Variants in RARS2 observed in about 807,000 individuals in gnomAD.
The protein encoded by RARS2 is probable arginine--tRNA ligase, mitochondrial.
A neutral mutation model predicts 88.5 loss-of-function variants in RARS2; 67 were observed. That is an observed-to-expected ratio of 0.76 (90% CI 0.62 to 0.93). The LOEUF is 0.93. Among genes scored for constraint, RARS2 ranks in the 40% least tolerant of loss-of-function variants. RARS2 has a pLI of 0.00. For synonymous variants in RARS2, 239 were observed against 230.3 expected (o/e 1.04, Z -0.34); for missense variants, 664 against 684.2 (o/e 0.97, Z 0.33).
intron 4 of RARS2, among the ~76,000 whole-genome samples, chr6:87,556,662 T>C (rs531619191): frequency 6.6e-6 from 1 of 151,624 alleles, no homozygotes; most frequent in South Asian, 2.1e-4. Flanking sequence ...CATGGTGGCA[T>C]GCGCCTGTAG....
chr6:87,575,045 T>C (rs1246141932), intron 1 of RARS2, among the ~76,000 whole-genome samples: 1 of 148,580 alleles, frequency 6.7e-6, no homozygotes, highest in African/African-American at 2.5e-5. Context: ...GAAGGTAGAC[T>C]GCTTCCCTAG....
At chr6:87,576,300 G>A (rs62417695) in intron 1 of RARS2, among the ~76,000 whole-genome samples, 1 of 76,824 alleles carries the variant, frequency 1.3e-5, no homozygotes, top group Non-Finnish European at 2.4e-5. Context: ...TTTTTGAGAC[G>A]GAGTCTCGCT....
At chr6:87,518,132 CAGA>C (rs1471945780) in intron 17 of RARS2, 34 bp downstream of exon 17, 1 of 1,613,996 alleles carries the variant, frequency 6.2e-7, no homozygotes, top group Non-Finnish European at 8.5e-7. Context: ...TTTTGATAAG[CAGA>C]AGCACACTTG....
chr6:87,516,742 C>T, intron 18 of RARS2, 64 bp downstream of exon 18: 1 of 1,595,500 alleles, frequency 6.3e-7, no homozygotes, highest in Non-Finnish European at 8.5e-7. Context: ...TTACAGGAAA[C>T]CTTTAGATGA....
chr6:87,585,432 T>C (rs1225473311), intron 1 of RARS2, among the ~76,000 whole-genome samples: 1 of 152,212 alleles, frequency 6.6e-6, no homozygotes, highest in Non-Finnish European at 1.5e-5. Context: ...AGGTTGCCAG[T>C]TAGAAATAAA....
At chr6:87,544,351 T>C (rs1370967878) in intron 7 of RARS2, among the ~76,000 whole-genome samples, 1 of 152,234 alleles carries the variant, frequency 6.6e-6, no homozygotes, top group Non-Finnish European at 1.5e-5. Flanking sequence ...CAAGGTCTAC[T>C]CTTCTTAGAG....
chr6:87,555,018 G>A (rs1250759707), intron 5 of RARS2, among the ~76,000 whole-genome samples: 2 of 151,840 alleles, frequency 1.3e-5, no homozygotes, highest in East Asian at 3.9e-4. Flanking sequence ...GCAGGAGAAT[G>A]GCGTGAACCC....
At position 87,519,697 on chromosome 6, in the gene RARS2, C is replaced by G; in HGVS notation, c.1123G>C (p.Val375Leu). 1 of 1,613,994 alleles carries G rather than the reference C, an allele frequency of 6.2e-7. No homozygotes were observed. Among genetic ancestry groups the G allele is most frequent in the Non-Finnish European group, 8.5e-7 (1 of 1,179,872 alleles). The change falls in exon 14 of 20, where the codon GTG (valine) becomes CTG (leucine). Residue 375 changes from valine to leucine, a missense_variant. By Grantham distance (32) the Val-to-Leu change is conservative. Transcript: ENST00000369536. Reference protein sequence around the residue: ...GYDWAERCQHVPFGVVQGMKT... With the variant: ...GYDWAERCQHLPFGVVQGMKT... ...ATTCCCTGTACTACTCCAAAGGGCA[C>G]GTGCTGGCACCTAAAAGAGTGGGCA... is the stretch of plus-strand genomic sequence containing the variant.
intron 8 of RARS2, 134 bp from the exon 9 acceptor site, chr6:87,531,076 A>T: frequency 7.1e-7 from 1 of 1,415,462 alleles, no homozygotes; most frequent in Non-Finnish European, 9.5e-7. Flanking sequence ...TACAGAGTGT[A>T]ACTTTTTCTT....
intron 8 of RARS2, among the ~76,000 whole-genome samples, chr6:87,535,522 C>T (rs1778840263): frequency 6.6e-6 from 1 of 152,094 alleles, no homozygotes; most frequent in South Asian, 2.1e-4. Context: ...TACACTAACC[C>T]CTCACTATTT....
At chr6:87,523,206 C>A (rs2128028008) in intron 11 of RARS2, among the ~76,000 whole-genome samples, 1 of 152,166 alleles carries the variant, frequency 6.6e-6, no homozygotes, top group African/African-American at 2.4e-5. Flanking sequence ...AGAAAAATTT[C>A]TAGGTTGAGT....
chr6:87,559,382 G>C (rs957840235), intron 4 of RARS2, among the ~76,000 whole-genome samples: 2 of 147,134 alleles, frequency 1.4e-5, no homozygotes, highest in Admixed American at 6.9e-5. Flanking sequence ...CAGGAGAATC[G>C]CTTGAACCTG....
intron 1 of RARS2, among the ~76,000 whole-genome samples, chr6:87,577,988 A>G (rs1772105448): frequency 6.6e-6 from 1 of 152,178 alleles, no homozygotes; most frequent in Non-Finnish European, 1.5e-5. Flanking sequence ...TTTTTATTTA[A>G]AACAGCATTT....
intron 6 of RARS2, 74 bp from the exon 7 acceptor site, chr6:87,545,773 AT>A (rs1257926293): frequency 2.0e-6 from 3 of 1,503,394 alleles, no homozygotes; most frequent in Non-Finnish European, 2.7e-6. Flanking sequence ...GTACTTCTCT[AT>A]TATCAAACAT....
chr6:87,582,032 G>A (rs549055518), intron 1 of RARS2, among the ~76,000 whole-genome samples: 1 of 152,220 alleles, frequency 6.6e-6, no homozygotes, highest in African/African-American at 2.4e-5. Context: ...TTGATTCCAT[G>A]TCTTTGCTAT....
At chr6:87,550,462 A>C (rs891220353) in intron 5 of RARS2, among the ~76,000 whole-genome samples, 5 of 152,088 alleles carry the variant, frequency 3.3e-5, no homozygotes, top group Admixed American at 6.6e-5. Flanking sequence ...CCTTTAAGAA[A>C]CTAGAAAAAG....
intron 8 of RARS2, among the ~76,000 whole-genome samples, chr6:87,537,101 T>C (rs1229353847): frequency 2.0e-5 from 3 of 152,220 alleles, no homozygotes; most frequent in African/African-American, 4.8e-5. Flanking sequence ...CTAATACTGA[T>C]TATAGTGCAA....
intron 4 of RARS2, among the ~76,000 whole-genome samples, chr6:87,557,854 T>C (rs1786489360): frequency 6.6e-6 from 1 of 152,166 alleles, no homozygotes; most frequent in Non-Finnish European, 1.5e-5. Context: ...TTTTACACTT[T>C]TAGGTGACTT....
At chr6:87,588,329 T>A (rs1331500147) in intron 1 of RARS2, among the ~76,000 whole-genome samples, 1 of 152,208 alleles carries the variant, frequency 6.6e-6, no homozygotes, top group Non-Finnish European at 1.5e-5. Flanking sequence ...AATCATTCAT[T>A]ATAAGAACTT....
Sources: gnomAD v4.1 joint callset for allele counts (sites outside exome capture counted in the v4.1 genomes callset) on GRCh38, gnomAD v4.1.1 for gene constraint, MANE v1.5 for transcripts, NCBI Gene and HGNC (gene_info 2026-07-23, HGNC 2026-07-21) for gene names.